Variants in IPO7 observed in about 807,000 individuals in gnomAD.
IPO7 encodes importin-7.
Under a neutral mutation model 136.4 loss-of-function variants are expected in IPO7, and 13 were observed. The observed-to-expected ratio is 0.10, with a 90% CI of 0.06 to 0.15. IPO7 has a LOEUF of 0.15. IPO7 is among the 10% of genes least tolerant of loss of function. The pLI is 1.00. For synonymous variants in IPO7, 403 were observed against 404.4 expected (o/e 1.00, Z 0.04); for missense variants, 857 against 1,240.6 (o/e 0.69, Z 4.65).
intron 1 of IPO7, among the ~76,000 whole-genome samples, chr11:9,390,831 G>C (rs942641696): frequency 2.0e-4 from 30 of 151,978 alleles, no homozygotes; most frequent in Non-Finnish European, 7.4e-5. Flanking sequence ...ATGCAGTGGC[G>C]CAGTCTTGGT....
In IPO7 at chr11:9,422,962, T is replaced by C. The variant is rs781779178; in HGVS notation, c.907-44T>C. On this transcript the variant is annotated intron_variant, in intron 8 of 24. Coordinates refer to ENST00000379719, the MANE Select transcript of IPO7 (RefSeq NM_006391.3). ...TTTACTGGCTTGTAAGTGGTTGAAA[T>C]TTCTATTTGAACATTGATTTGTGAT... 58 of 1,347,780 alleles carry C rather than the reference T, an allele frequency of 4.3e-5. No homozygotes were observed. The African/African-American group carries it at 6.0e-4, about 14-fold the overall frequency. The allele number at this position is 1,347,780 out of a possible 1,614,324, so 83.5% of individuals were successfully genotyped here.
Position 9,419,128 on chromosome 11 carries a change from T to C in IPO7, c.727-1283T>C, listed in dbSNP as rs902715757. 1.3e-5 allele frequency among the ~76,000 whole-genome samples: 2 copies of C among 152,176 alleles called. 1 individual carries two copies. The highest frequency in any genetic ancestry group is 4.1e-4 in the South Asian group (2 of 4,830). The stretch of plus-strand genomic sequence containing the variant: ...ATAAATATCAAAGAAAGGAATTGGG[T>C]CATAAGGTAGGTGTATGTTTTACTT... On this transcript the variant is annotated intron_variant, in intron 6 of 24. Transcript: ENST00000379719.
chr11:9,432,016 C>A (rs1445920609), intron 16 of IPO7, among the ~76,000 whole-genome samples: 3 of 152,088 alleles, frequency 2.0e-5, no homozygotes, highest in Non-Finnish European at 4.4e-5. Context: ...GAGATAGATG[C>A]AGTTGAAAGC....
At chr11:9,432,201 CTTT>C (rs557417149) in intron 16 of IPO7, among the ~76,000 whole-genome samples, 3 of 134,808 alleles carry the variant, frequency 2.2e-5, no homozygotes, top group Admixed American at 7.5e-5. Flanking sequence ...TTTCACTAAA[CTTT>C]TTTTTTTTTT....
At chr11:9,400,802 A>G (rs1414726292) in intron 1 of IPO7, among the ~76,000 whole-genome samples, 3 of 152,216 alleles carry the variant, frequency 2.0e-5, no homozygotes, top group African/African-American at 7.2e-5. Flanking sequence ...ATTCAATGGA[A>G]AATTATATTC....
At chr11:9,428,257 T>A (rs553398509) in intron 12 of IPO7, among the ~76,000 whole-genome samples, 2 of 152,364 alleles carry the variant, frequency 1.3e-5, no homozygotes, top group Admixed American at 6.5e-5. Flanking sequence ...AGTTTCATAG[T>A]AACAGATAAA....
intron 5 of IPO7, among the ~76,000 whole-genome samples, chr11:9,415,316 C>CTT (rs1169743575): frequency 6.6e-6 from 1 of 150,552 alleles, no homozygotes; most frequent in Non-Finnish European, 1.5e-5. Context: ...GAGCAAAACT[C>CTT]TGTCTCAAAA....
At chr11:9,436,594 A>T (rs1198727146) in intron 20 of IPO7, among the ~76,000 whole-genome samples, 1 of 151,946 alleles carries the variant, frequency 6.6e-6, no homozygotes, top group Non-Finnish European at 1.5e-5. Context: ...CATGAAAGGT[A>T]AACTTTTGCT....
chr11:9,424,323 G>A (rs760862135), intron 10 of IPO7, among the ~76,000 whole-genome samples: 6 of 152,166 alleles, frequency 3.9e-5, no homozygotes, highest in Admixed American at 6.5e-5. Context: ...TTTGCAGCTT[G>A]TACTTTTGTG....
At chr11:9,395,359 T>G (rs1374662796) in intron 1 of IPO7, among the ~76,000 whole-genome samples, 1 of 152,160 alleles carries the variant, frequency 6.6e-6, no homozygotes, top group Admixed American at 6.6e-5. Context: ...TTCTCCAGCC[T>G]CAGCCTCCTG....
chr11:9,407,322 G>A (rs772965606), intron 2 of IPO7, among the ~76,000 whole-genome samples: 6 of 152,188 alleles, frequency 3.9e-5, no homozygotes, highest in Middle Eastern at 3.2e-3. Context: ...TTGGGAGGCC[G>A]AAGTGGGTGG....
intron 8 of IPO7, among the ~76,000 whole-genome samples, chr11:9,422,579 C>T (rs150427239): frequency 1.3e-5 from 2 of 152,262 alleles, no homozygotes; most frequent in Non-Finnish European, 2.9e-5. Flanking sequence ...AGGCAGTTGA[C>T]TGCTTTGGGT....
At chr11:9,425,828 G>C (rs887181638) in intron 12 of IPO7, among the ~76,000 whole-genome samples, 1 of 150,894 alleles carries the variant, frequency 6.6e-6, no homozygotes. Context: ...GCAGTGAGCC[G>C]AGATCACGCC....
chr11:9,418,601 A>G (rs540280646), intron 6 of IPO7, among the ~76,000 whole-genome samples: 4 of 152,336 alleles, frequency 2.6e-5, no homozygotes, highest in South Asian at 4.1e-4. Flanking sequence ...TACACCCTCC[A>G]TAGGAAACTA....
Position 9,438,241 on chromosome 11 carries a change from A to G in IPO7, c.2651A>G (p.Asn884Ser), listed in dbSNP as rs1350806195. The G allele has an allele frequency of 3.7e-6, 6 of 1,604,762 alleles. No individual in the cohort carries two copies. The highest frequency in any genetic ancestry group is 1.7e-6 in the Non-Finnish European group (2 of 1,172,302). Residue 884 changes from asparagine (N) to serine (S), a missense_variant, in exon 22 of 25, where the codon AAT becomes AGT. Coordinates refer to ENST00000379719, the MANE Select transcript of IPO7 (RefSeq NM_006391.3). ...RAYACHAEHE[N>S]DSDDDDEAED... ...TATGCCTGCCATGCAGAACATGAGA[A>G]TGACAGTGATGATGATGATGAAGCT...
Position 9,411,217 on chromosome 11 carries a change from G to T in IPO7, c.479+1131G>T, listed in dbSNP as rs7116510. Among the ~76,000 whole-genome samples the T allele has an allele frequency of 9.5e-3, 1,441 of 152,296 alleles. 29 individuals are homozygous for T. Among genetic ancestry groups the T allele is most frequent in the African/African-American group, 0.033 (1,384 of 41,560 alleles). On this transcript the variant is annotated intron_variant, in intron 4 of 24. Coordinates refer to ENST00000379719, the MANE Select transcript of IPO7 (RefSeq NM_006391.3). ...CAGGGATTTTTAAGTGGGAGATACA[G>T]GAGGCTGCTACATCATTGGAATTCA...
intron 20 of IPO7, 35 bp downstream of exon 20, chr11:9,436,401 G>A: frequency 7.2e-7 from 1 of 1,388,568 alleles, no homozygotes; most frequent in Non-Finnish European, 1.0e-6. Flanking sequence ...TAGTTCAGAG[G>A]GGTAATCTTT....
At chr11:9,410,275 C>G (rs903933517) in intron 4 of IPO7, among the ~76,000 whole-genome samples, 189 bp downstream of exon 4, 1 of 152,092 alleles carries the variant, frequency 6.6e-6, no homozygotes, top group African/African-American at 2.4e-5. Context: ...CTTTATTCTA[C>G]TAAGAAACTC....
At chr11:9,422,007 C>T (rs778875550) in intron 8 of IPO7, among the ~76,000 whole-genome samples, 4 of 151,966 alleles carry the variant, frequency 2.6e-5, no homozygotes, top group Non-Finnish European at 4.4e-5. Context: ...TGGCCGGGCG[C>T]GGTGGCTCAC....
Sources: allele counts gnomAD v4.1 joint callset (sites outside exome capture counted in the v4.1 genomes callset), GRCh38; gene constraint gnomAD v4.1.1; transcripts MANE v1.5; gene names NCBI Gene and HGNC (gene_info 2026-07-23, HGNC 2026-07-21).